Variants in JAKMIP2 observed in about 807,000 individuals in gnomAD.
JAKMIP2 encodes the protein janus kinase and microtubule interacting protein 2, also known as janus kinase and microtubule-interacting protein 2.
In JAKMIP2, 25 loss-of-function variants were observed where a neutral mutation model predicts 115.0. The observed-to-expected ratio is 0.22, with a 90% CI of 0.16 to 0.30. The LOEUF (loss-of-function observed/expected upper bound fraction) is 0.30, where lower values mean the gene tolerates loss of function less well. Among genes scored for constraint, JAKMIP2 ranks in the 10% least tolerant of loss-of-function variants. The pLI, the probability that JAKMIP2 is intolerant of heterozygous loss-of-function variation, is 1.00. For synonymous variants in JAKMIP2, 334 were observed against 343.6 expected (o/e 0.97, Z 0.31); for missense variants, 642 against 957.6 (o/e 0.67, Z 4.35).
intron 1 of JAKMIP2, among the ~76,000 whole-genome samples, chr5:147,701,869 A>C (rs1376986255): frequency 6.6e-6 from 1 of 152,160 alleles, no homozygotes. Flanking sequence ...TCATTTATAA[A>C]TTACCCAGTG....
chr5:147,744,420 T>TGTGAA (rs1754275337), intron 1 of JAKMIP2, among the ~76,000 whole-genome samples: 1 of 152,164 alleles, frequency 6.6e-6, no homozygotes, highest in African/African-American at 2.4e-5. Flanking sequence ...CCAAAGATTC[T>TGTGAA]CCAAGGCCAA....
At chr5:147,764,989 A>AGG (rs1561582845) in intron 1 of JAKMIP2, among the ~76,000 whole-genome samples, 1 of 72,574 alleles carries the variant, frequency 1.4e-5, no homozygotes. Flanking sequence ...AGAGAGAGAG[A>AGG]GGGAGAGAGA....
intron 19 of JAKMIP2, among the ~76,000 whole-genome samples, chr5:147,612,861 C>G (rs1756399262): frequency 6.6e-6 from 1 of 152,222 alleles, no homozygotes; most frequent in Non-Finnish European, 1.5e-5. Context: ...GAGGCTGACT[C>G]ATATAGATGT....
intron 7 of JAKMIP2, among the ~76,000 whole-genome samples, chr5:147,642,884 A>G (rs1315097236): frequency 1.3e-5 from 2 of 152,132 alleles, no homozygotes; most frequent in Non-Finnish European, 2.9e-5. Flanking sequence ...GGGTGAGCAC[A>G]ATCTAAACAG....
At chr5:147,780,022 G>C (rs1357415380) in intron 1 of JAKMIP2, among the ~76,000 whole-genome samples, 1 of 152,094 alleles carries the variant, frequency 6.6e-6, no homozygotes, top group Non-Finnish European at 1.5e-5. Flanking sequence ...AATAAGCAAT[G>C]TCCTGTGCTT....
intron 1 of JAKMIP2, among the ~76,000 whole-genome samples, chr5:147,748,729 G>A (rs1236733165): frequency 6.6e-6 from 1 of 152,152 alleles, no homozygotes; most frequent in Non-Finnish European, 1.5e-5. Context: ...TAGGGTGGGG[G>A]TGGCCATGCA....
chr5:147,605,025 C>T (rs530159877), intron 20 of JAKMIP2, among the ~76,000 whole-genome samples: 1 of 151,408 alleles, frequency 6.6e-6, no homozygotes. Flanking sequence ...CCAACCTGTG[C>T]CCGTATGTTC....
chr5:147,753,330 A>G (rs557787498), intron 1 of JAKMIP2, among the ~76,000 whole-genome samples: 24 of 152,340 alleles, frequency 1.6e-4, no homozygotes, highest in Non-Finnish European at 3.1e-4. Context: ...AGTTGCTGCT[A>G]TATTAATTCT....
intron 1 of JAKMIP2, among the ~76,000 whole-genome samples, chr5:147,745,616 ATT>A (rs1439979971): frequency 1.3e-5 from 2 of 152,080 alleles, no homozygotes; most frequent in African/African-American, 4.8e-5. Context: ...CAGCAATTAT[ATT>A]TATCACATCT....
chr5:147,609,130 A>G (rs924821624), intron 20 of JAKMIP2, among the ~76,000 whole-genome samples: 1 of 152,016 alleles, frequency 6.6e-6, no homozygotes, highest in Non-Finnish European at 1.5e-5. Flanking sequence ...TTTTTATCCA[A>G]TTTGCCAGTC....
At chr5:147,753,724 C>T (rs1479395217) in intron 1 of JAKMIP2, among the ~76,000 whole-genome samples, 2 of 152,144 alleles carry the variant, frequency 1.3e-5, no homozygotes, top group African/African-American at 4.8e-5. Context: ...AACCATCTTC[C>T]TTGTGGTAGA....
chr5:147,712,839 G>A (rs1214137876), intron 1 of JAKMIP2, among the ~76,000 whole-genome samples: 1 of 152,132 alleles, frequency 6.6e-6, no homozygotes. Flanking sequence ...AAACACAGAC[G>A]TTTCTCTTCC....
intron 1 of JAKMIP2, among the ~76,000 whole-genome samples, chr5:147,724,638 GCTCAAACTCAAA>G (rs946306630): frequency 5.3e-5 from 8 of 152,240 alleles, no homozygotes; most frequent in South Asian, 4.2e-4. Flanking sequence ...AGGAGGCTCA[GCTCAAACTCAAA>G]CTCAAACTCA....
intron 16 of JAKMIP2, among the ~76,000 whole-genome samples, chr5:147,626,135 T>C (rs1295902911): frequency 6.6e-6 from 1 of 152,232 alleles, no homozygotes; most frequent in Non-Finnish European, 1.5e-5. Context: ...TTAGAATTAC[T>C]TGGATGTAGA....
chr5:147,644,584 T>A (rs1342747983), intron 6 of JAKMIP2, among the ~76,000 whole-genome samples: 1 of 152,218 alleles, frequency 6.6e-6, no homozygotes, highest in Non-Finnish European at 1.5e-5. Flanking sequence ...GGCTAAGTTA[T>A]GTCAAAGCTT....
intron 1 of JAKMIP2, among the ~76,000 whole-genome samples, chr5:147,762,115 G>A (rs1482966065): frequency 6.6e-6 from 1 of 151,942 alleles, no homozygotes; most frequent in Non-Finnish European, 1.5e-5. Flanking sequence ...AAGGATTTGA[G>A]GGTTTGTTTG....
At chr5:147,604,977 C>T (rs1755918807) in intron 20 of JAKMIP2, among the ~76,000 whole-genome samples, 1 of 151,716 alleles carries the variant, frequency 6.6e-6, no homozygotes, top group Non-Finnish European at 1.5e-5. Context: ...CCTCCCCTTG[C>T]TCCCCACCCC....
chr5:147,690,437 C>A (rs1004061649), intron 1 of JAKMIP2, among the ~76,000 whole-genome samples: 2 of 150,722 alleles, frequency 1.3e-5, no homozygotes, highest in Admixed American at 6.6e-5. Context: ...ATAGGAAGAT[C>A]TACATGAACC....
At chr5:147,740,079 G>A (rs1004067989) in intron 1 of JAKMIP2, among the ~76,000 whole-genome samples, 6 of 152,204 alleles carry the variant, frequency 3.9e-5, no homozygotes, top group African/African-American at 1.4e-4. Flanking sequence ...AACCTCACTT[G>A]CTGGACACAA....
Sources: allele counts gnomAD v4.1 joint callset (sites outside exome capture counted in the v4.1 genomes callset), GRCh38; gene constraint gnomAD v4.1.1; transcripts MANE v1.5; gene names NCBI Gene and HGNC (gene_info 2026-07-23, HGNC 2026-07-21).